The following F8 variants were observed in gnomAD, a reference collection of about 807,000 sequenced individuals.
The protein encoded by F8 is coagulation factor VIII, also known as antihemophilic factor.
A neutral mutation model predicts 140.6 loss-of-function variants in F8; 12 were observed. The observed-to-expected ratio is 0.09, with a 90% confidence interval of 0.05 to 0.14. The LOEUF (loss-of-function observed/expected upper bound fraction) is 0.14, where lower values mean the gene tolerates loss of function less well. F8 is among the 10% of genes least tolerant of loss of function. The probability of loss-of-function intolerance (pLI) is 1.00; values close to 1 mark genes in which losing one functional copy is unlikely to be tolerated. For missense variants in F8, 1,354 were observed against 1,720.7 expected (o/e 0.79, Z 3.77); for synonymous variants, 585 against 614.6 (o/e 0.95, Z 0.71).
intron 14 of F8, among the ~76,000 whole-genome samples, chrX:154,926,462 G>A (rs953079992): frequency 3.6e-5 from 4 of 111,725 alleles, no homozygotes; most frequent in Non-Finnish European, 7.5e-5. Context: ...TGCAACCTCC[G>A]TCTCCCCAGT....
At chrX:154,939,244 G>A (rs1603434064) in intron 13 of F8, among the ~76,000 whole-genome samples, 1 of 112,277 alleles carries the variant, frequency 8.9e-6, no homozygotes, top group African/African-American at 3.2e-5. Flanking sequence ...AGCACAAGGG[G>A]TCAGGGAATT....
chrX:154,871,083 GGA>G (rs1557273552), intron 22 of F8, among the ~76,000 whole-genome samples: 3 of 112,310 alleles, frequency 2.7e-5, no homozygotes, highest in Non-Finnish European at 5.6e-5. Flanking sequence ...CCATGCTCAT[GGA>G]TAGGAAGAAT....
chrX:154,944,837 G>A (rs781873956), intron 13 of F8, among the ~76,000 whole-genome samples: 18 of 111,596 alleles, frequency 1.6e-4, no homozygotes, highest in African/African-American at 5.9e-4. Context: ...ATACTATGCC[G>A]CCATAAAAAT....
chrX:154,904,564 C>T, intron 16 of F8, 40 bp from the exon 17 acceptor site: 2 of 1,105,185 alleles, frequency 1.8e-6, no homozygotes, highest in East Asian at 3.0e-5. Flanking sequence ...TATAAGCTCT[C>T]TCACCTATGA....
intron 9 of F8, among the ~76,000 whole-genome samples, chrX:154,961,387 C>T (rs1280282846): frequency 4.5e-5 from 5 of 111,661 alleles, no homozygotes; most frequent in Non-Finnish European, 9.4e-5. Context: ...ATCTGTGATG[C>T]TCAAGTCTCT....
chrX:154,977,163 T>A (rs1286540633), intron 6 of F8, among the ~76,000 whole-genome samples: 2 of 112,133 alleles, frequency 1.8e-5, no homozygotes, highest in Non-Finnish European at 3.8e-5. Flanking sequence ...GAAAATTTTT[T>A]AAAAAATCGA....
chrX:154,837,995 C>G (rs1557271087), intron 25 of F8, among the ~76,000 whole-genome samples: 1 of 112,109 alleles, frequency 8.9e-6, no homozygotes, highest in African/African-American at 3.2e-5. Context: ...ACCTCAGTGA[C>G]ATTAAGTGCT....
chrX:154,989,601 A>G (rs2073576777), intron 4 of F8, among the ~76,000 whole-genome samples: 1 of 112,054 alleles, frequency 8.9e-6, no homozygotes, highest in African/African-American at 3.2e-5. Flanking sequence ...CATTTCCCTA[A>G]TGGTTAATGA....
chrX:154,852,531 T>A (rs1481564974), intron 25 of F8, among the ~76,000 whole-genome samples: 1 of 111,909 alleles, frequency 8.9e-6, no homozygotes, highest in Non-Finnish European at 1.9e-5. Flanking sequence ...ATAGGCTTAT[T>A]TCTGGACTCT....
At chrX:154,978,439 T>C (rs1311696991) in intron 6 of F8, among the ~76,000 whole-genome samples, 1 of 111,955 alleles carries the variant, frequency 8.9e-6, no homozygotes, top group East Asian at 2.8e-4. Context: ...GAATGAGGTA[T>C]GTATACCCTC....
At chrX:154,924,539 G>T (rs954878022) in intron 14 of F8, among the ~76,000 whole-genome samples, 20 of 111,622 alleles carry the variant, frequency 1.8e-4, no homozygotes, top group African/African-American at 6.2e-4. Flanking sequence ...ATGATTTAGG[G>T]TATCTACCAT....
intron 13 of F8, among the ~76,000 whole-genome samples, chrX:154,935,709 TAACTC>T (rs2073220456): frequency 9.0e-6 from 1 of 110,989 alleles, no homozygotes; most frequent in African/African-American, 3.3e-5. Context: ...GTTCATCAAT[TAACTC>T]AACAACCCAG....
At chrX:154,851,386 T>G (rs782250891) in intron 25 of F8, among the ~76,000 whole-genome samples, 2 of 112,192 alleles carry the variant, frequency 1.8e-5, no homozygotes, top group South Asian at 3.7e-4. Flanking sequence ...TGCCTGCTTT[T>G]AATTCTTTTG....
At chrX:155,003,897 C>T (rs1557285868) in intron 1 of F8, among the ~76,000 whole-genome samples, 1 of 99,552 alleles carries the variant, frequency 1.0e-5, no homozygotes, top group African/African-American at 3.8e-5. Flanking sequence ...AGAGGTGGAG[C>T]TTGCAGTGAG....
intron 7 of F8, 133 bp from the exon 8 acceptor site, chrX:154,966,820 T>G (rs1557282089): frequency 2.5e-6 from 2 of 786,494 alleles, no homozygotes; most frequent in African/African-American, 4.2e-5. Flanking sequence ...GGAAGCATGG[T>G]GCTGGCATCT....
chrX:154,903,014 A>G (rs1357513012), intron 18 of F8, among the ~76,000 whole-genome samples: 1 of 112,178 alleles, frequency 8.9e-6, no homozygotes, highest in Non-Finnish European at 1.9e-5. Flanking sequence ...TACAATTTTG[A>G]TTAATATCTT....
At chrX:154,997,180 C>T in intron 2 of F8, 85 bp from the exon 3 acceptor site, 5 of 1,074,327 alleles carry the variant, frequency 4.7e-6, no homozygotes, top group Non-Finnish European at 6.5e-6. Flanking sequence ...GTCAAGGTCA[C>T]AGTGGAGAAG....
intron 1 of F8, among the ~76,000 whole-genome samples, chrX:155,012,541 C>T (rs1337179027): frequency 9.0e-6 from 1 of 111,394 alleles, no homozygotes; most frequent in African/African-American, 3.3e-5. Flanking sequence ...AAACTCCTGG[C>T]CTAGAGCAAT....
chrX:154,920,339 T>C (rs1557277450), intron 14 of F8, among the ~76,000 whole-genome samples: 1 of 111,341 alleles, frequency 9.0e-6, no homozygotes, highest in East Asian at 2.8e-4. Context: ...ACTATAGGCT[T>C]TTGCTCTGTG....
Sources: allele counts gnomAD v4.1 joint callset (sites outside exome capture counted in the v4.1 genomes callset), GRCh38; gene constraint gnomAD v4.1.1; transcripts MANE v1.5; gene names NCBI Gene and HGNC (gene_info 2026-07-23, HGNC 2026-07-21).